Variants in HECW2 observed in about 807,000 individuals in gnomAD.
HECW2 encodes E3 ubiquitin-protein ligase HECW2.
Under a neutral mutation model 175.2 loss-of-function variants are expected in HECW2, and 61 were observed. The ratio of observed to expected loss-of-function variants is 0.35; its 90% confidence interval spans 0.28 to 0.43. The LOEUF (loss-of-function observed/expected upper bound fraction) is 0.43. Among genes scored for constraint, HECW2 ranks in the 20% least tolerant of loss-of-function variants. HECW2 has a pLI of 1.00. For synonymous variants in HECW2, 671 were observed against 731.0 expected (o/e 0.92, Z 1.32); for missense variants, 1,524 against 2,000.5 (o/e 0.76, Z 4.54).
chr2:196,224,244 C>G (rs11888276), intron 23 of HECW2, among the ~76,000 whole-genome samples: 23,929 of 152,090 alleles, frequency 0.16, 3,596 homozygotes, highest in African/African-American at 0.39. Flanking sequence ...TATACTTTTA[C>G]GTAGGGAAAC....
intron 7 of HECW2, 56 bp downstream of exon 7, chr2:196,322,422 A>AT (rs754912625): frequency 4.0e-6 from 6 of 1,495,558 alleles, no homozygotes; most frequent in Middle Eastern, 1.8e-4. Context: ...GTTTCATGTC[A>AT]TTTTTTCCTA....
At chr2:196,304,654 A>G (rs1691193258) in intron 13 of HECW2, among the ~76,000 whole-genome samples, 1 of 152,200 alleles carries the variant, frequency 6.6e-6, no homozygotes, top group Non-Finnish European at 1.5e-5. Context: ...GTCTCTTCCT[A>G]TTAAAGCATG....
intron 1 of HECW2, among the ~76,000 whole-genome samples, chr2:196,585,191 ATACT>A (rs1315393367): frequency 6.6e-6 from 1 of 152,172 alleles, no homozygotes; most frequent in Non-Finnish European, 1.5e-5. Context: ...TTGCAATTAT[ATACT>A]TATTTATTTA....
At chr2:196,506,343 G>A (rs1484180033) in intron 1 of HECW2, among the ~76,000 whole-genome samples, 2 of 152,154 alleles carry the variant, frequency 1.3e-5, no homozygotes, top group African/African-American at 2.4e-5. Flanking sequence ...GCAGTAAACG[G>A]TCACTTCGCA....
At chr2:196,387,523 C>A (rs530876490) in intron 2 of HECW2, among the ~76,000 whole-genome samples, 1 of 152,098 alleles carries the variant, frequency 6.6e-6, no homozygotes, top group African/African-American at 2.4e-5. Flanking sequence ...GCCTCCAGAA[C>A]GGAGAAAGAA....
At chr2:196,506,486 T>C (rs1352889126) in intron 1 of HECW2, among the ~76,000 whole-genome samples, 2 of 152,078 alleles carry the variant, frequency 1.3e-5, no homozygotes, top group Non-Finnish European at 1.5e-5. Flanking sequence ...GAAGACCTGG[T>C]ATACACAGGG....
chr2:196,398,399 G>A (rs1229800819), intron 2 of HECW2, among the ~76,000 whole-genome samples: 1 of 152,130 alleles, frequency 6.6e-6, no homozygotes, highest in Non-Finnish European at 1.5e-5. Context: ...CATTACTACA[G>A]GTCTTTTCAA....
At chr2:196,262,389 G>A (rs1689331400) in intron 17 of HECW2, among the ~76,000 whole-genome samples, 1 of 152,086 alleles carries the variant, frequency 6.6e-6, no homozygotes, top group African/African-American at 2.4e-5. Flanking sequence ...TGAAGATTAA[G>A]GTTATACTAA....
chr2:196,294,274 TG>T (rs1409277036), intron 13 of HECW2, among the ~76,000 whole-genome samples: 7 of 152,190 alleles, frequency 4.6e-5, no homozygotes, highest in Admixed American at 6.5e-5. Context: ...GAGGAATAAC[TG>T]TATGGCAGCT....
intron 1 of HECW2, among the ~76,000 whole-genome samples, chr2:196,447,566 T>A (rs1436184557): frequency 6.6e-6 from 1 of 152,164 alleles, no homozygotes; most frequent in Non-Finnish European, 1.5e-5. Flanking sequence ...TTAGAACAAT[T>A]GGTAACTTAA....
At chr2:196,298,386 C>T (rs1341274904) in intron 13 of HECW2, among the ~76,000 whole-genome samples, 1 of 152,142 alleles carries the variant, frequency 6.6e-6, no homozygotes, top group Non-Finnish European at 1.5e-5. Flanking sequence ...TTTTCTTTCT[C>T]AAGTTTTACT....
intron 1 of HECW2, among the ~76,000 whole-genome samples, chr2:196,521,282 C>CAAAAAAAAAAAAA (rs1158051512): frequency 3.4e-4 from 18 of 53,686 alleles, no homozygotes; most frequent in African/African-American, 6.3e-4. Flanking sequence ...ACGTGAGTAA[C>CAAAAAAAAAAAAA]AAAAAAAAAA....
intron 1 of HECW2, among the ~76,000 whole-genome samples, chr2:196,447,826 G>A (rs931667395): frequency 3.9e-5 from 6 of 152,302 alleles, no homozygotes; most frequent in Middle Eastern, 6.8e-3. Flanking sequence ...GGGAGGCCGA[G>A]GCAGGCAGAT....
chr2:196,358,502 C>G (rs964658774), intron 2 of HECW2, among the ~76,000 whole-genome samples: 3 of 146,132 alleles, frequency 2.1e-5, no homozygotes, highest in East Asian at 4.1e-4. Context: ...TTGAATCTCC[C>G]TTGAACACAG....
At chr2:196,551,619 T>C (rs1311893360) in intron 1 of HECW2, among the ~76,000 whole-genome samples, 4 of 152,302 alleles carry the variant, frequency 2.6e-5, no homozygotes, top group African/African-American at 9.6e-5. Context: ...TCCCTGCGCA[T>C]ACTATATAAA....
intron 1 of HECW2, among the ~76,000 whole-genome samples, chr2:196,475,329 T>TGGGGGGAGAG (rs1388473055): frequency 1.1e-5 from 1 of 94,590 alleles, no homozygotes; most frequent in East Asian, 3.4e-4. Flanking sequence ...ATAAAGGAGA[T>TGGGGGGAGAG]GGGGGGAGAG....
intron 1 of HECW2, among the ~76,000 whole-genome samples, chr2:196,525,973 G>A (rs377125651): frequency 0.072 from 5,746 of 80,362 alleles, 96 homozygotes; most frequent in Middle Eastern, 0.17. Flanking sequence ...TGCTCTTCTC[G>A]AGGAGTATCT....
At chr2:196,571,671 G>C (rs193147033) in intron 1 of HECW2, among the ~76,000 whole-genome samples, 1 of 152,006 alleles carries the variant, frequency 6.6e-6, no homozygotes, top group South Asian at 2.1e-4. Context: ...ACTGCACTCC[G>C]GCCTGGGCAA....
chr2:196,304,904 G>T (rs1418804940), intron 13 of HECW2, among the ~76,000 whole-genome samples: 2 of 152,186 alleles, frequency 1.3e-5, no homozygotes, highest in Non-Finnish European at 2.9e-5. Context: ...TAATTATCAA[G>T]ACAGACTTGC....
Sources: gnomAD v4.1 joint callset for allele counts (sites outside exome capture counted in the v4.1 genomes callset) on GRCh38, gnomAD v4.1.1 for gene constraint, MANE v1.5 for transcripts, NCBI Gene and HGNC (gene_info 2026-07-23, HGNC 2026-07-21) for gene names.